Variants in RHOT1 observed in about 807,000 individuals in gnomAD.
The protein encoded by RHOT1 is ras homolog family member T1.
In RHOT1, 27 loss-of-function variants were observed where a neutral mutation model predicts 95.3. The observed-to-expected ratio is 0.28, with a 90% confidence interval of 0.21 to 0.39. The LOEUF (loss-of-function observed/expected upper bound fraction) is 0.39, where lower values mean the gene tolerates loss of function less well. RHOT1 is among the 10% of genes least tolerant of loss of function. The pLI is 1.00. For synonymous variants in RHOT1, 227 were observed against 263.5 expected (o/e 0.86, Z 1.34); for missense variants, 578 against 786.7 (o/e 0.73, Z 3.17).
intron 2 of RHOT1, chr17:32,172,946 G>A (rs1335719548): frequency 2.0e-5 from 3 of 152,182 alleles, no homozygotes; most frequent in Admixed American, 6.5e-5. Context: ...GATTGTTGTG[G>A]ATTTAAATAC....
chr17:32,210,054 G>A (rs1431556363), intron 18 of RHOT1, among the ~76,000 whole-genome samples: 2 of 151,714 alleles, frequency 1.3e-5, no homozygotes, highest in Non-Finnish European at 2.9e-5. Flanking sequence ...GCTGCTAATC[G>A]TTACAACCAT....
At chr17:32,204,118 G>T (rs978626884) in intron 16 of RHOT1, 145 bp downstream of exon 16, 1 of 620,588 alleles carries the variant, frequency 1.6e-6, no homozygotes, top group African/African-American at 1.9e-5. Flanking sequence ...TTAGAGACAC[G>T]GTCTCACTAT....
At chr17:32,156,415 C>A (rs112671525) in intron 1 of RHOT1, among the ~76,000 whole-genome samples, 1,715 of 152,130 alleles carry the variant, frequency 0.011, 29 homozygotes, top group African/African-American at 0.039. Flanking sequence ...TACAAGCACA[C>A]GCCACCATGC....
rs761532494 is a variant in RHOT1 at position 32,175,281 on chromosome 17, G to C, written c.179-38G>C. 5 of 1,584,256 alleles carry C rather than the reference G, an allele frequency of 3.2e-6. No individual in the cohort carries two copies. The South Asian group carries it at 5.5e-5, about 18-fold the overall frequency. On this transcript the variant is annotated intron_variant, in intron 3 of 19. Coordinates refer to ENST00000545287, the MANE Select transcript of RHOT1 (RefSeq NM_001033566.3). Reference sequence around the variant, plus strand: ...CTTGGCCATTAGTTTTTATGAAAGTGTCTGCAATATGAAACATTGACTTCC... The same window carrying C: ...CTTGGCCATTAGTTTTTATGAAAGTCTCTGCAATATGAAACATTGACTTCC...
chr17:32,173,540 G>A (rs1598349833), intron 2 of RHOT1, among the ~76,000 whole-genome samples: 1 of 151,700 alleles, frequency 6.6e-6, no homozygotes, highest in Admixed American at 6.6e-5. Flanking sequence ...TGGTGAAATC[G>A]TGTCTCTACT....
At chr17:32,186,021 C>T (rs1598390425) in intron 8 of RHOT1, among the ~76,000 whole-genome samples, 1 of 152,138 alleles carries the variant, frequency 6.6e-6, no homozygotes, top group East Asian at 1.9e-4. Context: ...CACTCCTGGC[C>T]TGTTTTAAAT....
At chr17:32,204,101 A>AT (rs534790463) in intron 16 of RHOT1, 128 bp downstream of exon 16, 145 of 669,952 alleles carry the variant, frequency 2.2e-4, no homozygotes, top group Non-Finnish European at 3.2e-4. Flanking sequence ...TTTTTATTTA[A>AT]TTTTTTTTAG....
intron 8 of RHOT1, among the ~76,000 whole-genome samples, chr17:32,189,540 T>C (rs1051061108): frequency 6.6e-6 from 1 of 152,112 alleles, no homozygotes; most frequent in Non-Finnish European, 1.5e-5. Context: ...GCTAATCTGT[T>C]AATCCCTCAT....
intron 8 of RHOT1, among the ~76,000 whole-genome samples, chr17:32,184,495 T>G (rs939809816): frequency 6.6e-6 from 1 of 152,000 alleles, no homozygotes; most frequent in African/African-American, 2.4e-5. Context: ...ATTTTTTATT[T>G]TTTTTTATTT....
chr17:32,187,659 A>G (rs918685159), intron 8 of RHOT1, among the ~76,000 whole-genome samples: 2 of 151,738 alleles, frequency 1.3e-5, no homozygotes, highest in African/African-American at 2.4e-5. Flanking sequence ...ATCTCAGCTC[A>G]CTGGGTTCAG....
chr17:32,170,631 A>C (rs1202865824), intron 1 of RHOT1, among the ~76,000 whole-genome samples: 1 of 152,182 alleles, frequency 6.6e-6, no homozygotes, highest in Non-Finnish European at 1.5e-5. Context: ...TTAACCAGTA[A>C]CTTTTGTCTT....
intron 13 of RHOT1, 45 bp downstream of exon 13, chr17:32,199,595 T>A (rs746761743): frequency 6.1e-6 from 9 of 1,484,614 alleles, no homozygotes; most frequent in Middle Eastern, 1.8e-4. Flanking sequence ...ACAAATAGTT[T>A]AAAATTATGG....
At chr17:32,150,066 T>A (rs528507653) in intron 1 of RHOT1, among the ~76,000 whole-genome samples, 18 of 152,282 alleles carry the variant, frequency 1.2e-4, no homozygotes, top group Admixed American at 2.6e-4. Context: ...ATTAATTTTT[T>A]AAAAATAGCT....
At chr17:32,202,677 C>A in intron 14 of RHOT1, 93 bp from the exon 15 acceptor site, 3 of 805,492 alleles carry the variant, frequency 3.7e-6, no homozygotes, top group Non-Finnish European at 5.8e-6. Context: ...AAATAATAAG[C>A]AGCAATGCCC....
At chr17:32,201,125 A>G in intron 14 of RHOT1, 69 bp downstream of exon 14, 1 of 887,066 alleles carries the variant, frequency 1.1e-6, no homozygotes, top group East Asian at 2.5e-5. Context: ...CAAATGTAAC[A>G]AAGAGTAAGA....
chr17:32,202,635 A>C, intron 14 of RHOT1, 135 bp from the exon 15 acceptor site: 1 of 635,222 alleles, frequency 1.6e-6, no homozygotes, highest in Non-Finnish European at 2.6e-6. Flanking sequence ...CTGTTGTACA[A>C]TATGTTTGTT....
Position 32,194,071 on chromosome 17 carries a change from A to G in RHOT1, c.833A>G (p.Asp278Gly), listed in dbSNP as rs966694591. ...WTVLRRFGYD[D>G]DLDLTPEYLF... Reference sequence around the variant, plus strand: ...GTGCTTCGACGATTTGGTTATGATGATGACCTGGATTTGACACCTGAATAT... The same window carrying G: ...GTGCTTCGACGATTTGGTTATGATGGTGACCTGGATTTGACACCTGAATAT... The change falls in exon 11 of 20, where the codon GAT (aspartate) becomes GGT (glycine). Residue 278 changes from aspartate (D) to glycine (G), a missense_variant. Physicochemically the swap from Asp to Gly is moderately conservative, Grantham distance 94. Transcript: ENST00000545287. The G allele has an allele frequency of 1.2e-6, 2 of 1,614,148 alleles. No individual in the cohort carries two copies. The highest frequency in any genetic ancestry group is 1.7e-6 in the Non-Finnish European group (2 of 1,180,014).
chr17:32,152,282 C>T (rs1336887822), intron 1 of RHOT1, among the ~76,000 whole-genome samples: 3 of 152,180 alleles, frequency 2.0e-5, no homozygotes, highest in African/African-American at 7.2e-5. Context: ...TGTACTTTGG[C>T]GGGAGCCTGC....
At position 32,203,927 on chromosome 17, in the gene RHOT1, A is replaced by G. The variant is rs1385664327; in HGVS notation, c.1370A>G (p.Tyr457Cys). Reference protein sequence around the residue: ...KKIREDHKSYYAINTVYVYGQ... With the variant: ...KKIREDHKSYCAINTVYVYGQ... ...ATTCGTGAAGATCATAAATCCTACT[A>G]TGCGATTAACACTGTTTATGTATAT... Residue 457 changes from tyrosine (Y) to cysteine (C), a missense_variant, in exon 16 of 20, where the codon TAT becomes TGT. Coordinates refer to ENST00000545287, the MANE Select transcript of RHOT1 (RefSeq NM_001033566.3). The G allele has an allele frequency of 1.9e-6, 3 of 1,612,972 alleles. No homozygotes were observed. The highest frequency in any genetic ancestry group is 1.1e-5 in the South Asian group (1 of 90,894).
Sources: gnomAD v4.1 joint callset for allele counts (sites outside exome capture counted in the v4.1 genomes callset) on GRCh38, gnomAD v4.1.1 for gene constraint, MANE v1.5 for transcripts, NCBI Gene and HGNC (gene_info 2026-07-23, HGNC 2026-07-21) for gene names.